Variants in DNAH3 observed in about 807,000 individuals in gnomAD.
The protein encoded by DNAH3 is dynein axonemal heavy chain 3.
DNAH3 carries 332 observed loss-of-function variants against 432.5 expected under a neutral mutation model. That is an observed-to-expected ratio of 0.77 (90% CI 0.70 to 0.84). DNAH3 has a LOEUF of 0.84. DNAH3 is among the 40% of genes least tolerant of loss of function. The pLI is 0.00. For missense variants in DNAH3, 4,861 were observed against 5,114.0 expected, an observed-to-expected ratio of 0.95 and a Z score of 1.51; for synonymous variants, 1,956 against 1,900.2, an observed-to-expected ratio of 1.03 and a Z score of -0.76.
exon 6 of DNAH3, chr16:21,136,325 G>A (rs541295627): frequency 2.4e-5 from 38 of 1,613,500 alleles, no homozygotes; most frequent in Admixed American, 1.0e-4. Context: ...CAGCCTTACC[G>A]ATGCTTTTCA....
chr16:21,125,578 T>G (rs930499176), intron 8 of DNAH3, among the ~76,000 whole-genome samples: 5 of 152,244 alleles, frequency 3.3e-5, no homozygotes, highest in African/African-American at 1.2e-4. Context: ...AAGAGGTTAT[T>G]CTTCCATTGA....
At chr16:21,142,706 T>G (rs895206205) in intron 3 of DNAH3, among the ~76,000 whole-genome samples, 1 of 149,944 alleles carries the variant, frequency 6.7e-6, no homozygotes, top group Admixed American at 6.8e-5. Context: ...TGTGCTGGAG[T>G]GCAGTGGCAT....
At chr16:21,000,161 A>C in intron 43 of DNAH3, 63 bp downstream of exon 43, 13 of 1,508,522 alleles carry the variant, frequency 8.6e-6, no homozygotes, top group Non-Finnish European at 1.2e-5. Flanking sequence ...AGCAGAAGCT[A>C]TAGTTTGCTG....
chr16:21,002,866 A>G (rs1043484787), intron 42 of DNAH3, among the ~76,000 whole-genome samples: 3 of 152,170 alleles, frequency 2.0e-5, no homozygotes, highest in East Asian at 3.8e-4. Flanking sequence ...AACCTCTGCA[A>G]CCATAAATGT....
intron 16 of DNAH3, chr16:21,104,024 G>C (rs16970887): frequency 0.021 from 3,419 of 165,690 alleles, 124 homozygotes; most frequent in African/African-American, 0.076. Context: ...GAATGAATAA[G>C]TGATTACAGC....
rs142861681 is a variant in DNAH3 at position 21,071,312 on chromosome 16, G to A, written c.3085-486C>T. Among the ~76,000 whole-genome samples, 504 of 152,074 alleles carry A rather than the reference G, an allele frequency of 3.3e-3. 2 individuals are homozygous for A. The highest frequency in any genetic ancestry group is 4.1e-3 in the Non-Finnish European group (281 of 67,968). On this transcript the variant is annotated intron_variant, in intron 21 of 61. Transcript: ENST00000261383. The stretch of plus-strand genomic sequence containing the variant: ...CCGCCTCGGCCTCCCAAAGTGCTGG[G>A]ATTACAGGCATGAGCCACCACACCC...
At chr16:21,034,964 A>G (rs1211935572) in intron 35 of DNAH3, among the ~76,000 whole-genome samples, 1 of 152,214 alleles carries the variant, frequency 6.6e-6, no homozygotes, top group Non-Finnish European at 1.5e-5. Flanking sequence ...GCAGAGAACA[A>G]TACAAAATCC....
intron 53 of DNAH3, among the ~76,000 whole-genome samples, chr16:20,961,068 T>TAA (rs775760442): frequency 4.6e-5 from 7 of 150,708 alleles, no homozygotes; most frequent in Non-Finnish European, 7.4e-5. Flanking sequence ...GAACTCACAC[T>TAA]AAAAAAAAAC....
rs116886806 is a variant in DNAH3, at chr16:21,053,589, G to A, written c.4039+831C>T. Among the ~76,000 whole-genome samples, 14 of 152,248 alleles carry A rather than the reference G, an allele frequency of 9.2e-5. No homozygotes were observed. In the East Asian group the frequency reaches 1.9e-3, roughly 21 times the overall value. On this transcript the variant is annotated intron_variant, in intron 28 of 61. Transcript: ENST00000261383. ...ATTCCTAACAGCTGAGTATGTGGCC[G>A]TGTGAAGAGCACATTTTCCCTTCTC...
chr16:21,027,005 G>C (rs1340986271), intron 38 of DNAH3, 22 bp downstream of exon 38: 2 of 1,584,812 alleles, frequency 1.3e-6, no homozygotes, highest in African/African-American at 1.3e-5. Context: ...GTCCCCCGGG[G>C]TGCCAGTGAG....
chr16:21,141,860 G>A (rs1037074871), intron 3 of DNAH3, among the ~76,000 whole-genome samples: 2 of 151,986 alleles, frequency 1.3e-5, no homozygotes, highest in African/African-American at 2.4e-5. Flanking sequence ...CGACCAGCCT[G>A]GCCAACATGG....
intron 41 of DNAH3, among the ~76,000 whole-genome samples, chr16:21,005,173 T>C (rs11074480): frequency 1.2e-4 from 12 of 103,958 alleles, no homozygotes; most frequent in African/African-American, 4.0e-4. Context: ...TTCTTTCTTT[T>C]TCTTTTTCTT....
intron 41 of DNAH3, among the ~76,000 whole-genome samples, chr16:21,015,571 T>C (rs1352515782): frequency 6.6e-6 from 1 of 152,198 alleles, no homozygotes; most frequent in Non-Finnish European, 1.5e-5. Context: ...CATAATAATT[T>C]AGCAATATTG....
At chr16:20,974,877 G>A (rs1182191642) in intron 51 of DNAH3, among the ~76,000 whole-genome samples, 1 of 151,432 alleles carries the variant, frequency 6.6e-6, no homozygotes, top group Admixed American at 6.6e-5. Flanking sequence ...GGAGTGCAGT[G>A]GTGCAATCTC....
rs772812550 is a variant in DNAH3 at position 21,145,373 on chromosome 16, T to G, written c.256A>C (p.Met86Leu). 121 of 1,614,020 alleles carry G rather than the reference T, an allele frequency of 7.5e-5. 1 individual carries two copies. The South Asian group carries it at 1.2e-3, about 17-fold the overall frequency. Reference sequence around the variant, plus strand: ...GCCAAGGTCCATGACGTGCGTTGCATCAAGGGCGGGTAAAAGCTGTGTGAC... The same window carrying G: ...GCCAAGGTCCATGACGTGCGTTGCAGCAAGGGCGGGTAAAAGCTGTGTGAC... The change falls in exon 3 of 62, where the codon ATG becomes CTG. Residue 86 changes from methionine (M) to leucine (L), a missense_variant. Transcript: ENST00000261383.
At chr16:20,970,855 TCTCTA>T (rs1190649494) in intron 51 of DNAH3, among the ~76,000 whole-genome samples, 13 of 149,026 alleles carry the variant, frequency 8.7e-5, no homozygotes, top group African/African-American at 2.2e-4. Flanking sequence ...TCTTTTCTTT[TCTCTA>T]TTCTTTTTTT....
intron 51 of DNAH3, among the ~76,000 whole-genome samples, chr16:20,972,882 C>A (rs927438619): frequency 6.6e-6 from 1 of 151,724 alleles, no homozygotes; most frequent in African/African-American, 2.4e-5. Flanking sequence ...GTGCCCACCA[C>A]CACGCCCGGC....
At chr16:20,997,131 A>T in intron 44 of DNAH3, 152 bp downstream of exon 44, 1 of 657,208 alleles carries the variant, frequency 1.5e-6, no homozygotes, top group Non-Finnish European at 2.6e-6. Context: ...AATTTCCAAC[A>T]TGAAGCCTGT....
At chr16:20,948,843 CAA>C (rs753537070) in intron 56 of DNAH3, among the ~76,000 whole-genome samples, 18 of 152,122 alleles carry the variant, frequency 1.2e-4, no homozygotes, top group Non-Finnish European at 2.5e-4. Flanking sequence ...AACCATGGCC[CAA>C]AGTGAGAACT....
Sources: gnomAD v4.1 joint callset for allele counts (sites outside exome capture counted in the v4.1 genomes callset) on GRCh38, gnomAD v4.1.1 for gene constraint, MANE v1.5 for transcripts, NCBI Gene and HGNC (gene_info 2026-07-23, HGNC 2026-07-21) for gene names.